The following RANGAP1 variants were observed in gnomAD, a reference collection of about 807,000 sequenced individuals.
The protein encoded by RANGAP1 is ran GTPase-activating protein 1.
Under a neutral mutation model 63.5 loss-of-function variants are expected in RANGAP1, and 38 were observed. The ratio of observed to expected loss-of-function variants is 0.60; its 90% CI spans 0.46 to 0.78. RANGAP1 has a LOEUF of 0.78. Among genes scored for constraint, RANGAP1 ranks in the 30% least tolerant of loss-of-function variants. RANGAP1 has a pLI of 0.00. For missense variants in RANGAP1, 630 were observed against 740.3 expected, an observed-to-expected ratio of 0.85 and a Z score of 1.73; for synonymous variants, 329 against 310.5, an observed-to-expected ratio of 1.06 and a Z score of -0.63.
chr22:41,284,537 A>T (rs560458434), intron 1 of RANGAP1, among the ~76,000 whole-genome samples: 1 of 151,928 alleles, frequency 6.6e-6, no homozygotes, highest in Non-Finnish European at 1.5e-5. Context: ...ATTGCACTCC[A>T]ACGTGGGCAA....
intron 1 of RANGAP1, chr22:41,285,110 T>C (rs2035686344): frequency 6.6e-6 from 1 of 152,034 alleles, no homozygotes; most frequent in Non-Finnish European, 1.5e-5. Context: ...TCAGCGGTGA[T>C]CGTTCCACTA....
intron 4 of RANGAP1, among the ~76,000 whole-genome samples, chr22:41,266,019 A>G (rs373025373): frequency 1.7e-3 from 265 of 152,064 alleles, no homozygotes; most frequent in African/African-American, 4.1e-3. Context: ...TGGCTAACAC[A>G]GTGAAACCCC....
Position 41,256,729 on chromosome 22 carries a change from G to C in RANGAP1, c.870C>G (p.Gly290=). ...GAVAIADAIR[G]GLPKLKELNL... ...CTGGCACCTTTAGCTTGGGCAGGCC[G>C]CCGCGGATGGCATCTGCAATGGCAA... Residue 290 remains glycine, a synonymous_variant, in exon 8 of 16, where the codon GGC becomes GGG. Coordinates refer to ENST00000356244, the MANE Select transcript of RANGAP1 (RefSeq NM_002883.4). 5.0e-6 allele frequency: 8 copies of C among 1,613,590 alleles called. No homozygotes were observed. The highest frequency in any genetic ancestry group is 8.5e-7 in the Non-Finnish European group (1 of 1,179,906).
the RANGAP1 span, chr22:41,301,506 G>A: frequency 6.6e-6 from 1 of 152,044 alleles, no homozygotes; most frequent in Non-Finnish European, 1.5e-5. Flanking sequence ...TCTAGGACCC[G>A]AGGAGGAAGA....
the RANGAP1 span, among the ~76,000 whole-genome samples, chr22:41,294,036 TTCTCCC>T: frequency 1.3e-5 from 2 of 151,042 alleles, no homozygotes; most frequent in South Asian, 4.2e-4. Context: ...CTCCCTCTCC[TTCTCCC>T]TCTCCCTCTC....
Position 41,281,062 on chromosome 22 carries a change from G to C in RANGAP1, c.-18C>G. Reference sequence around the variant, plus strand: ...GAGGCCATGTTGACTAGGCTGGTGGGCTCCCCTGGAGATCTGCAGACTGAG... The same window carrying C: ...GAGGCCATGTTGACTAGGCTGGTGGCCTCCCCTGGAGATCTGCAGACTGAG... On this transcript the variant is annotated 5_prime_UTR_variant, in exon 2 of 16. Transcript: ENST00000356244. The C allele has an allele frequency of 1.3e-6, 2 of 1,576,142 alleles. No individual in the cohort carries two copies. Among genetic ancestry groups the C allele is most frequent in the Non-Finnish European group, 1.7e-6 (2 of 1,164,860 alleles).
intron 6 of RANGAP1, among the ~76,000 whole-genome samples, chr22:41,259,498 A>T (rs2034038710): frequency 6.6e-6 from 1 of 152,230 alleles, no homozygotes; most frequent in African/African-American, 2.4e-5. Flanking sequence ...CAGTTATCAA[A>T]ACATTTAGGA....
At chr22:41,276,758 G>A (rs561596961) in intron 2 of RANGAP1, among the ~76,000 whole-genome samples, 8 of 151,808 alleles carry the variant, frequency 5.3e-5, no homozygotes, top group African/African-American at 1.7e-4. Context: ...CGGGCGGATC[G>A]TGAGGTCAGG....
chr22:41,259,823 TG>T (rs1022484260), intron 6 of RANGAP1, among the ~76,000 whole-genome samples: 1 of 152,122 alleles, frequency 6.6e-6, no homozygotes, highest in East Asian at 1.9e-4. Context: ...GCTAACATGG[TG>T]AAACCCCATC....
rs531091961 is a variant in RANGAP1, at chr22:41,266,030, A to G, written c.301-1187T>C. ...ATCCTGGCTAACACAGTGAAACCCC[A>G]TCTCTACTAAAAATACAAAAAATTA... On this transcript the variant is annotated intron_variant, in intron 4 of 15. Transcript: ENST00000356244. Among the ~76,000 whole-genome samples, 54 of 152,108 alleles carry G rather than the reference A, an allele frequency of 3.6e-4. 1 individual carries two copies. Among genetic ancestry groups the G allele is most frequent in the South Asian group, 6.2e-4 (3 of 4,820 alleles).
At chr22:41,285,612 G>A in intron 1 of RANGAP1, 5 of 985,440 alleles carry the variant, frequency 5.1e-6, no homozygotes, top group Non-Finnish European at 6.0e-6. Context: ...AGGTGGCTCT[G>A]CGGGAGCGAC....
rs1315029438 is a variant in RANGAP1, at chr22:41,257,778, C to T, written c.774+170G>A. On this transcript the variant is annotated intron_variant, in intron 7 of 15. Coordinates refer to ENST00000356244, the MANE Select transcript of RANGAP1 (RefSeq NM_002883.4). The surrounding 1 kb of genome is among the most constrained non-coding windows in gnomAD (Gnocchi z 4.0). Reference sequence around the variant, plus strand: ...AGGAGGGCGTGGGTTACCTTGGGACCTGCAACCCTGTTCAGGACATGTTCA... The same window carrying T: ...AGGAGGGCGTGGGTTACCTTGGGACTTGCAACCCTGTTCAGGACATGTTCA... Among the ~76,000 whole-genome samples, 2 of 152,224 alleles carry T rather than the reference C, an allele frequency of 1.3e-5. No individual in the cohort carries two copies. Among genetic ancestry groups the T allele is most frequent in the Non-Finnish European group, 2.9e-5 (2 of 68,048 alleles).
intron 3 of RANGAP1, among the ~76,000 whole-genome samples, chr22:41,268,630 G>A (rs1375201535): frequency 6.6e-6 from 1 of 152,160 alleles, no homozygotes; most frequent in African/African-American, 2.4e-5. Context: ...CTGGAGGCCA[G>A]TCCTCAAATC....
At chr22:41,261,229 CAGTCACACACCTTTCCGGAA>C (rs976259476) in intron 6 of RANGAP1, among the ~76,000 whole-genome samples, 197 bp downstream of exon 6, 16 of 152,348 alleles carry the variant, frequency 1.1e-4, no homozygotes, top group East Asian at 3.9e-4. Context: ...CAGTGGGAGC[CAGTCACACACCTTTCCGGAA>C]AGTCACACAC....
At chr22:41,261,749 T>C (rs1161264630) in intron 5 of RANGAP1, among the ~76,000 whole-genome samples, 169 bp from the exon 6 acceptor site, 1 of 152,164 alleles carries the variant, frequency 6.6e-6, no homozygotes, top group Non-Finnish European at 1.5e-5. Context: ...TGTCCAGCAC[T>C]TCAGTTACAC....
At chr22:41,277,593 T>C (rs1432761178) in intron 2 of RANGAP1, 1 of 940,342 alleles carries the variant, frequency 1.1e-6, no homozygotes, top group East Asian at 7.2e-5. Context: ...TCAAGAAGGG[T>C]CTTGAGAAAG....
intron 12 of RANGAP1, among the ~76,000 whole-genome samples, chr22:41,251,830 A>G (rs1269908325): frequency 6.6e-6 from 1 of 152,204 alleles, no homozygotes; most frequent in Non-Finnish European, 1.5e-5. Flanking sequence ...AATCCTGAGA[A>G]GAGTTTTATG....
At chr22:41,286,446 AGGGAGGTGTTCAGCC>A (rs914256615), upstream of RANGAP1, among the ~76,000 whole-genome samples, 1 of 152,210 alleles carries the variant, frequency 6.6e-6, no homozygotes, top group Non-Finnish European at 1.5e-5. Context: ...CAGAGACCGC[AGGGAGGTGTTCAGCC>A]GGGAGCGCCC....
chr22:41,256,178 C>G lies in RANGAP1; in HGVS notation c.988+13G>C. On this transcript the variant is annotated intron_variant, in intron 9 of 15. Transcript: ENST00000356244. ...CTAGCAGACCTGTGCAGAGGCCTCC[C>G]CCATCCGACTACCATTCAGGTCCAG... 6.2e-7 allele frequency: 1 copy of G among 1,614,080 alleles called. No individual in the cohort carries two copies. The highest frequency in any genetic ancestry group is 8.5e-7 in the Non-Finnish European group (1 of 1,179,956).
Sources: gnomAD v4.1 joint callset for allele counts (sites outside exome capture counted in the v4.1 genomes callset) on GRCh38, gnomAD v4.1.1 for gene constraint, Gnocchi (gnomAD v3.1) non-coding constraint, MANE v1.5 for transcripts, NCBI Gene and HGNC (gene_info 2026-07-23, HGNC 2026-07-21) for gene names.